KCP: variants seen among roughly 807,000 people sequenced by gnomAD.
KCP encodes kielin cysteine rich BMP regulator, also known as kielin/chordin-like protein.
In KCP, 194 loss-of-function variants were observed where a neutral mutation model predicts 212.7. The observed-to-expected ratio is 0.91, with a 90% confidence interval of 0.81 to 1.03. KCP has a LOEUF of 1.03. Among genes scored for constraint, KCP ranks in the 50% least tolerant of loss-of-function variants. The probability of loss-of-function intolerance (pLI) is 0.00; values close to 1 mark genes in which losing one functional copy is unlikely to be tolerated. For missense variants in KCP, 2,080 were observed against 2,162.5 expected (o/e 0.96, Z 0.76); for synonymous variants, 833 against 865.3 (o/e 0.96, Z 0.65).
intron 16 of KCP, among the ~76,000 whole-genome samples, chr7:128,892,229 AG>A (rs952253809): frequency 6.0e-4 from 7 of 11,690 alleles, no homozygotes; most frequent in Admixed American, 9.6e-4. Context: ...CCTGGGGGGT[AG>A]GGGGGTGGGG....
chr7:128,888,558 A>G (rs913564360), intron 22 of KCP, among the ~76,000 whole-genome samples: 2 of 151,700 alleles, frequency 1.3e-5, no homozygotes, highest in African/African-American at 2.4e-5. Context: ...CAACACATAC[A>G]TACACACACA....
At chr7:128,886,998 T>G in intron 23 of KCP, 32 bp from the exon 24 acceptor site, 1 of 1,181,280 alleles carries the variant, frequency 8.5e-7, no homozygotes, top group South Asian at 1.3e-5. Context: ...CACCCTCAAC[T>G]GGACTGCACA....
At chr7:128,891,860 T>G in intron 16 of KCP, 41 bp from the exon 17 acceptor site, 1 of 1,374,456 alleles carries the variant, frequency 7.3e-7, no homozygotes, top group East Asian at 2.7e-5. Context: ...GGGCAAAGCC[T>G]GACAGTCCCT....
chr7:128,897,014 G>C (rs1487486760), intron 8 of KCP, among the ~76,000 whole-genome samples: 1 of 152,050 alleles, frequency 6.6e-6, no homozygotes, highest in Non-Finnish European at 1.5e-5. Context: ...CTCTGCCTCA[G>C]GCAATGTGTC....
In KCP at chr7:128,891,467, C is replaced by T. The variant is rs762872745; in HGVS notation, c.1862G>A (p.Arg621His). The change falls in exon 18 of 40, where the codon CGT becomes CAT. Residue 621 changes from arginine (R) to histidine (H), a missense_variant. Transcript: ENST00000610776. ...CAGACTCACCAGACAGCGACACAGA[C>T]GGCAGGGGTCAGAGGGGTGGGGGAA... ...ADFPHPSDPC[R>H]LCRCLSGNVQ... 7.1e-6 allele frequency: 11 copies of T among 1,550,498 alleles called. 1 individual carries two copies. In the South Asian group the frequency reaches 1.1e-4, roughly 15 times the overall value.
chr7:128,904,268 C>T, intron 5 of KCP, 130 bp from the exon 6 acceptor site: 1 of 1,551,352 alleles, frequency 6.4e-7, no homozygotes, highest in South Asian at 1.2e-5. Flanking sequence ...CAGGGCAGGA[C>T]AGGGCAGGAG....
In KCP at chr7:128,880,466, CCA is replaced by C; in HGVS notation, c.3677_3678del (p.Val1226GlyfsTer91). The C allele has an allele frequency of 6.5e-7, 1 of 1,546,820 alleles. No individual in the cohort carries two copies. The highest frequency in any genetic ancestry group is 1.4e-5 in the African/African-American group (1 of 73,128). The part of the protein sequence containing the change: ...REVASGERWT[V>X]DTCTSCSCMA... Reference sequence around the variant, plus strand: ...ATGCAGGAGCAGCTGGTGCAGGTGTCCACAGTCCAGCGCTCTCCAGAGGCCAC... The same window carrying C: ...ATGCAGGAGCAGCTGGTGCAGGTGTCCAGTCCAGCGCTCTCCAGAGGCCAC... On this transcript the variant is annotated frameshift_variant, in exon 34 of 40. Coordinates refer to ENST00000610776, the MANE Select transcript of KCP (RefSeq NM_001366122.1). LOFTEE classifies it high-confidence loss of function.
At chr7:128,884,885 G>A in intron 27 of KCP, 22 bp from the exon 28 acceptor site, 1 of 1,548,740 alleles carries the variant, frequency 6.5e-7, no homozygotes, top group Non-Finnish European at 8.7e-7. Context: ...AGTGAGAGCA[G>A]AACGGGACCA....
At chr7:128,888,739 G>C in intron 22 of KCP, 124 bp downstream of exon 22, 2 of 934,086 alleles carry the variant, frequency 2.1e-6, no homozygotes, top group Non-Finnish European at 3.2e-6. Flanking sequence ...TGAGGGAGTC[G>C]GAGAGTGAGA....
Position 128,878,613 on chromosome 7 carries a change from T to C in KCP, c.4256A>G (p.Gln1419Arg). ...NFNGFAQDDLQGPEGLLLPSE... is the reference protein window; with the variant it reads ...NFNGFAQDDLRGPEGLLLPSE... ...GGGCAGGAGCAGCCCCTCAGGGCCC[T>C]GCAGATCGTCCTGGGCAAAGCCATT... Residue 1419 changes from glutamine to arginine, a missense_variant, in exon 38 of 40, where the codon CAG (glutamine) becomes CGG (arginine). By Grantham distance (43) the Gln-to-Arg change is conservative. Transcript: ENST00000610776. 6.4e-7 allele frequency: 1 copy of C among 1,551,534 alleles called. No homozygotes were observed. Among genetic ancestry groups the C allele is most frequent in the Non-Finnish European group, 8.7e-7 (1 of 1,146,990 alleles).
At position 128,881,032 on chromosome 7, in the gene KCP, C is replaced by A; in HGVS notation, c.3478G>T (p.Asp1160Tyr). 2.5e-6 allele frequency: 1 copy of A among 398,916 alleles called. No homozygotes were observed. 24.7% of individuals were successfully genotyped at this position (398,916 alleles called of 1,614,324 possible). A position where few individuals can be genotyped will look rare whatever the true frequency, so the allele number is the denominator to read the frequency against. Residue 1160 changes from aspartate (D) to tyrosine (Y), a missense_variant, in exon 32 of 40, where the codon GAC becomes TAC. Asp to Tyr is a radical substitution (Grantham distance 160). Coordinates refer to ENST00000610776, the MANE Select transcript of KCP (RefSeq NM_001366122.1). ...RRVADGESWR[D>Y]PSNACIACTC... ...CAGGCGATGCACGCATTGCTGGGGT[C>A]CCGCCAGCTCTCTCCATCTGCCACT...
intron 29 of KCP, 29 bp downstream of exon 29, chr7:128,883,973 C>T (rs998169676): frequency 1.9e-6 from 3 of 1,541,912 alleles, no homozygotes; most frequent in African/African-American, 2.8e-5. Context: ...AACCTCATAT[C>T]TCATCTACCC....
chr7:128,888,201 C>T (rs1345262098), intron 22 of KCP, among the ~76,000 whole-genome samples: 2 of 151,428 alleles, frequency 1.3e-5, no homozygotes, highest in Non-Finnish European at 2.9e-5. Flanking sequence ...CACATACACA[C>T]ACAGATACAC....
In KCP at chr7:128,893,868, C is replaced by G; in HGVS notation, c.1037G>C (p.Cys346Ser). The G allele has an allele frequency of 6.4e-7, 1 of 1,551,228 alleles. No individual in the cohort carries two copies. ...NGSVQCEPLP[C>S]PPVPCRHPGK... Reference sequence around the variant, plus strand: ...TGGGTGTCTGCAGGGCACTGGCGGGCAGGGCAGAGGCTCACACTGGACACT... The same window carrying G: ...TGGGTGTCTGCAGGGCACTGGCGGGGAGGGCAGAGGCTCACACTGGACACT... Residue 346 changes from cysteine (C) to serine (S), a missense_variant, in exon 11 of 40, where the codon TGC (cysteine) becomes TCC (serine). Cys to Ser is a moderately radical substitution (Grantham distance 112). Coordinates refer to ENST00000610776, the MANE Select transcript of KCP (RefSeq NM_001366122.1).
At chr7:128,901,753 G>A (rs1360531081) in intron 8 of KCP, among the ~76,000 whole-genome samples, 2 of 152,182 alleles carry the variant, frequency 1.3e-5, no homozygotes, top group Non-Finnish European at 2.9e-5. Context: ...AACAATTGCA[G>A]TGGGGTTGGG....
intron 37 of KCP, 72 bp from the exon 38 acceptor site, chr7:128,878,794 C>T: frequency 1.4e-6 from 2 of 1,428,050 alleles, no homozygotes; most frequent in South Asian, 1.3e-5. Context: ...TCCATCATGG[C>T]CCCAGGCACT....
intron 11 of KCP, among the ~76,000 whole-genome samples, 164 bp from the exon 12 acceptor site, chr7:128,893,640 C>T (rs544628730): frequency 8.5e-5 from 13 of 152,238 alleles, no homozygotes; most frequent in South Asian, 6.2e-4. Flanking sequence ...GCCACAGAAG[C>T]GCAGGCCCCA....
At position 128,884,053 on chromosome 7, in the gene KCP, G is replaced by T; in HGVS notation, c.3193C>A (p.Pro1065Thr). Residue 1065 changes from proline to threonine, a missense_variant, in exon 29 of 40, where the codon CCC becomes ACC. Coordinates refer to ENST00000610776, the MANE Select transcript of KCP (RefSeq NM_001366122.1). ...GGCCCAGGGGGCAGGAGCTGGCTGG[G>T]GGGGCAGCCCACCAGGCTGGGACAC... ...RQCPSLVGCP[P>T]SQLLPPGPQH... is the part of the protein sequence containing the mutation. The T allele has an allele frequency of 1.3e-6, 2 of 1,546,192 alleles. No homozygotes were observed. The highest frequency in any genetic ancestry group is 8.7e-7 in the Non-Finnish European group (1 of 1,145,462).
rs113697825 is a variant in KCP at position 128,894,556 on chromosome 7, C to CT, written c.832-264dup. Among the ~76,000 whole-genome samples the CT allele has an allele frequency of 5.5e-3, 818 of 149,834 alleles. 7 individuals are homozygous for CT. The highest frequency in any genetic ancestry group is 0.011 in the South Asian group (53 of 4,712). Reference sequence around the variant, plus strand: ...GTCCCTAATTCAATATAACTAGTATCTTTTTTTTTTGAGATGATAAAAAAG... The same window carrying CT: ...GTCCCTAATTCAATATAACTAGTATCTTTTTTTTTTTGAGATGATAAAAAAG... On this transcript the variant is annotated intron_variant, in intron 8 of 39. Coordinates refer to ENST00000610776, the MANE Select transcript of KCP (RefSeq NM_001366122.1).
Sources: allele counts gnomAD v4.1 joint callset (sites outside exome capture counted in the v4.1 genomes callset), GRCh38; gene constraint gnomAD v4.1.1; transcripts MANE v1.5; gene names NCBI Gene and HGNC (gene_info 2026-07-23, HGNC 2026-07-21).